ANKS1B: variants seen among roughly 807,000 people sequenced by gnomAD.
ANKS1B encodes ankyrin repeat and sterile alpha motif domain-containing protein 1B.
In ANKS1B, 36 loss-of-function variants were observed where a neutral mutation model predicts 148.3. The observed-to-expected ratio is 0.24, with a 90% confidence interval of 0.19 to 0.32. The LOEUF (loss-of-function observed/expected upper bound fraction) is 0.32. Ranked by LOEUF, ANKS1B falls within the 10% of genes least tolerant of loss-of-function variation. The pLI is 1.00. For synonymous variants in ANKS1B, 542 were observed against 560.8 expected (o/e 0.97, Z 0.47); for missense variants, 1,157 against 1,542.6 (o/e 0.75, Z 4.19).
intron 8 of ANKS1B, 155 bp downstream of exon 8, chr12:99,772,767 T>A (rs1236670022): frequency 6.4e-5 from 46 of 714,116 alleles, no homozygotes; most frequent in East Asian, 3.1e-5. Context: ...GCACTGCGAG[T>A]AAAACCCCAA....
chr12:99,322,632 A>G (rs1244948078), intron 12 of ANKS1B, among the ~76,000 whole-genome samples: 2 of 152,174 alleles, frequency 1.3e-5, no homozygotes, highest in East Asian at 3.8e-4. Context: ...ATTCCATGCT[A>G]TGAGAACCCT....
chr12:99,021,230 T>C (rs926498542), intron 17 of ANKS1B, among the ~76,000 whole-genome samples: 1 of 152,172 alleles, frequency 6.6e-6, no homozygotes, highest in Non-Finnish European at 1.5e-5. Context: ...AATTGTAGCA[T>C]GCCTTACACT....
At chr12:99,420,936 A>G (rs146279934) in intron 11 of ANKS1B, among the ~76,000 whole-genome samples, 1 of 152,320 alleles carries the variant, frequency 6.6e-6, no homozygotes, top group African/African-American at 2.4e-5. Flanking sequence ...ATTAACACAT[A>G]TTTGGGAGAC....
rs1173612183 is a variant in ANKS1B, at chr12:98,744,439, A to C, written c.*1300T>G. On this transcript the variant is annotated 3_prime_UTR_variant, in exon 27 of 27. Coordinates refer to ENST00000683438, the MANE Select transcript of ANKS1B (RefSeq NM_001352186.2). ...GCTATAATGAACTTCAAAATGATTC[A>C]CAATATGATTGTTAGAACAATATAC... 2 of 788,130 alleles carry C rather than the reference A, an allele frequency of 2.5e-6. No individual in the cohort carries two copies. Among genetic ancestry groups the C allele is most frequent in the Non-Finnish European group, 3.1e-6 (2 of 649,846 alleles). The allele number at this position is 788,130 out of a possible 1,614,324, so 48.8% of individuals were successfully genotyped here.
intron 17 of ANKS1B, among the ~76,000 whole-genome samples, chr12:98,871,621 T>G (rs1341036143): frequency 6.6e-6 from 1 of 152,304 alleles, no homozygotes; most frequent in Non-Finnish European, 1.5e-5. Context: ...CATTTCAAAG[T>G]CTTTCATATT....
chr12:99,368,074 A>G (rs1181438368), intron 12 of ANKS1B, among the ~76,000 whole-genome samples: 1 of 152,196 alleles, frequency 6.6e-6, no homozygotes, highest in African/African-American at 2.4e-5. Flanking sequence ...CTTTTGGCAA[A>G]GCATTCTGAT....
At chr12:99,982,590 A>C (rs999166525) in intron 1 of ANKS1B, among the ~76,000 whole-genome samples, 1 of 152,196 alleles carries the variant, frequency 6.6e-6, no homozygotes, top group East Asian at 1.9e-4. Context: ...TTTTACGTGT[A>C]ACTTAAAACT....
intron 12 of ANKS1B, among the ~76,000 whole-genome samples, chr12:99,311,102 T>C (rs2083092032): frequency 6.6e-6 from 1 of 152,200 alleles, no homozygotes; most frequent in African/African-American, 2.4e-5. Flanking sequence ...GTCATTCTTG[T>C]ATTAGAAAAT....
intron 16 of ANKS1B, among the ~76,000 whole-genome samples, chr12:99,057,362 A>T (rs2040564326): frequency 1.3e-5 from 2 of 152,074 alleles, no homozygotes; most frequent in Non-Finnish European, 2.9e-5. Context: ...CCTAAATTAG[A>T]CCCATGCTTA....
At chr12:98,774,092 G>C (rs1398868530) in intron 24 of ANKS1B, among the ~76,000 whole-genome samples, 1 of 152,238 alleles carries the variant, frequency 6.6e-6, no homozygotes, top group African/African-American at 2.4e-5. Context: ...GGCCTTGGAT[G>C]CCTTGCTTGA....
intron 15 of ANKS1B, among the ~76,000 whole-genome samples, chr12:99,121,161 T>C (rs999156845): frequency 1.3e-5 from 2 of 152,064 alleles, no homozygotes; most frequent in Non-Finnish European, 2.9e-5. Context: ...CTAGTAGGAT[T>C]ATAGCTATGC....
chr12:99,014,997 C>T (rs1424349329), intron 17 of ANKS1B, among the ~76,000 whole-genome samples: 1 of 152,168 alleles, frequency 6.6e-6, no homozygotes, highest in African/African-American at 2.4e-5. Flanking sequence ...TACCACTCAA[C>T]CCAGCAATCC....
intron 8 of ANKS1B, among the ~76,000 whole-genome samples, chr12:99,693,228 A>T (rs187159296): frequency 1.7e-3 from 254 of 152,368 alleles, no homozygotes; most frequent in African/African-American, 5.8e-3. Flanking sequence ...AAAGGAAAAA[A>T]ATAAAATACA....
chr12:99,451,076 C>T (rs549144068), intron 10 of ANKS1B, among the ~76,000 whole-genome samples: 1 of 152,178 alleles, frequency 6.6e-6, no homozygotes, highest in Admixed American at 6.5e-5. Flanking sequence ...CAAAATATTG[C>T]TGATAAAAAG....
rs369064126 is a variant in ANKS1B, at chr12:99,000,729, C to T, written c.2778+52428G>A. Among the ~76,000 whole-genome samples the T allele has an allele frequency of 1.1e-4, 16 of 152,244 alleles. No individual in the cohort carries two copies. The South Asian group carries it at 2.9e-3, about 28-fold the overall frequency. On this transcript the variant is annotated intron_variant, in intron 17 of 26. Coordinates refer to ENST00000683438, the MANE Select transcript of ANKS1B (RefSeq NM_001352186.2). ...TATTCATCTTGCATAACTGAAACTT[C>T]ACCCCTGTTGATTAGCAATTTCCCA...
intron 8 of ANKS1B, among the ~76,000 whole-genome samples, chr12:99,695,457 A>C (rs747569757): frequency 1.2e-4 from 18 of 152,212 alleles, no homozygotes; most frequent in Admixed American, 3.3e-4. Flanking sequence ...AAACATGTAG[A>C]GAAAAATCCA....
intron 9 of ANKS1B, among the ~76,000 whole-genome samples, chr12:99,521,555 A>G (rs2096874967): frequency 6.6e-6 from 1 of 152,232 alleles, no homozygotes; most frequent in Admixed American, 6.5e-5. Context: ...CAGATACTCA[A>G]AGGGACCTAG....
intron 8 of ANKS1B, among the ~76,000 whole-genome samples, chr12:99,682,850 A>G (rs1459202743): frequency 6.6e-6 from 1 of 152,206 alleles, no homozygotes; most frequent in Non-Finnish European, 1.5e-5. Flanking sequence ...AAACAAATCA[A>G]TAGATCATTA....
chr12:98,979,015 G>A (rs1339397240), intron 17 of ANKS1B, among the ~76,000 whole-genome samples: 6 of 151,446 alleles, frequency 4.0e-5, no homozygotes, highest in African/African-American at 1.5e-4. Flanking sequence ...GGTGGCGGGC[G>A]CCTGTAGTCC....
Sources: gnomAD v4.1 joint callset for allele counts (sites outside exome capture counted in the v4.1 genomes callset) on GRCh38, gnomAD v4.1.1 for gene constraint, MANE v1.5 for transcripts, NCBI Gene and HGNC (gene_info 2026-07-23, HGNC 2026-07-21) for gene names.